PHTF2: variants seen among roughly 807,000 people sequenced by gnomAD.
PHTF2 encodes protein PHTF2.
Under a neutral mutation model 101.2 loss-of-function variants are expected in PHTF2, and 60 were observed. The observed-to-expected ratio is 0.59, with a 90% CI of 0.48 to 0.73. PHTF2 has a LOEUF of 0.73. Among genes scored for constraint, PHTF2 ranks in the 30% least tolerant of loss-of-function variants. PHTF2 has a pLI of 0.00. For synonymous variants in PHTF2, 311 were observed against 307.3 expected (o/e 1.01, Z -0.13); for missense variants, 747 against 908.7 (o/e 0.82, Z 2.29).
chr7:77,922,597 A>G (rs761337574), intron 10 of PHTF2, 26 bp from the exon 10 acceptor site: 1 of 1,575,532 alleles, frequency 6.3e-7, no homozygotes. Flanking sequence ...ATTACCTATA[A>G]TCCTCTTTGT....
chr7:77,952,856 C>G (rs1356590857), intron 18 of PHTF2, among the ~76,000 whole-genome samples: 1 of 152,196 alleles, frequency 6.6e-6, no homozygotes, highest in Non-Finnish European at 1.5e-5. Flanking sequence ...CCAAGAAATT[C>G]TCAAGTCCGC....
chr7:77,937,812 G>A, exon 13 of PHTF2: 1 of 1,538,240 alleles, frequency 6.5e-7, no homozygotes, highest in Non-Finnish European at 8.8e-7. Flanking sequence ...GTCTGTACTT[G>A]AAATCAGTGG....
intron 7 of PHTF2, among the ~76,000 whole-genome samples, chr7:77,904,721 T>C (rs538138044): frequency 7.9e-5 from 12 of 152,366 alleles, no homozygotes; most frequent in African/African-American, 2.4e-4. Flanking sequence ...CTTACGAATC[T>C]GTTTAACCTT....
chr7:77,914,550 C>T (rs918456083), intron 9 of PHTF2, among the ~76,000 whole-genome samples: 2 of 152,062 alleles, frequency 1.3e-5, no homozygotes, highest in Non-Finnish European at 2.9e-5. Context: ...AAAGATATTC[C>T]TAGGAAAAGC....
chr7:77,821,331 G>T (rs765207359), intron 1 of PHTF2, among the ~76,000 whole-genome samples: 1 of 152,114 alleles, frequency 6.6e-6, no homozygotes, highest in Non-Finnish European at 1.5e-5. Context: ...TTTGGGTTGC[G>T]TCTATTTGAG....
rs765745540 is a variant in PHTF2 at position 77,940,590 on chromosome 7, G to A, written c.1803G>A (p.Glu601=). The change falls in exon 15 of 20, where the codon GAG becomes GAA. Residue 601 remains glutamate (E), a synonymous_variant. Transcript: ENST00000416283. Reference sequence around the variant, plus strand: ...CTGCAAGGAGGGCTCGAAAATCTGAGGTTCCTCATTTCCGGTTGAAGAAAG... The same window carrying A: ...CTGCAAGGAGGGCTCGAAAATCTGAAGTTCCTCATTTCCGGTTGAAGAAAG... The A allele has an allele frequency of 4.4e-6, 7 of 1,606,700 alleles. 1 individual carries two copies. In the South Asian group the frequency reaches 7.7e-5, roughly 18 times the overall value.
intron 1 of PHTF2, among the ~76,000 whole-genome samples, chr7:77,826,948 C>G (rs1794734985): frequency 6.6e-6 from 1 of 152,120 alleles, no homozygotes; most frequent in East Asian, 1.9e-4. Context: ...TATGGCAAAG[C>G]CATCTTAAAA....
At chr7:77,893,954 CT>C (rs1335564089) in intron 4 of PHTF2, 27 bp from the exon 4 acceptor site, 4 of 1,574,820 alleles carry the variant, frequency 2.5e-6, no homozygotes, top group Non-Finnish European at 2.6e-6. Flanking sequence ...CTTTTTCTCC[CT>C]TTTGATGCTG....
intron 12 of PHTF2, among the ~76,000 whole-genome samples, chr7:77,932,617 A>AGT (rs1263484171): frequency 3.8e-4 from 47 of 124,874 alleles, no homozygotes; most frequent in Non-Finnish European, 5.7e-4. Flanking sequence ...AGAGAGAGAG[A>AGT]GAGAGTGTGT....
chr7:77,871,630 T>A (rs1253370376), intron 3 of PHTF2, among the ~76,000 whole-genome samples: 3 of 152,020 alleles, frequency 2.0e-5, no homozygotes, highest in African/African-American at 7.2e-5. Flanking sequence ...CAGTACCATA[T>A]ATTGGATGCT....
intron 3 of PHTF2, among the ~76,000 whole-genome samples, chr7:77,861,956 C>T (rs893322388): frequency 1.3e-5 from 2 of 151,670 alleles, no homozygotes; most frequent in Non-Finnish European, 2.9e-5. Flanking sequence ...ATTCAGGAGG[C>T]TGAGGCAGGA....
At chr7:77,898,139 A>G (rs848449) in intron 5 of PHTF2, among the ~76,000 whole-genome samples, 63,396 of 151,912 alleles carry the variant, frequency 0.42, 15,582 homozygotes, top group East Asian at 0.68. Context: ...ATGAACCCCA[A>G]ATAAACAAGG....
In PHTF2 at chr7:77,951,604, CT is replaced by C; in HGVS notation, c.2116-8del. 1 of 1,108,432 alleles carries C rather than the reference CT, an allele frequency of 9.0e-7. No individual in the cohort carries two copies. Among genetic ancestry groups the C allele is most frequent in the Non-Finnish European group, 1.3e-6 (1 of 771,226 alleles). 68.7% of individuals were successfully genotyped at this position (1,108,432 alleles called of 1,614,324 possible). A position where few individuals can be genotyped will look rare whatever the true frequency, so the allele number is the denominator to read the frequency against. ...TATTATAATTTGAAGCATTTCTATT[CT>C]TTTTATAAAAGATAAACCTCTACTT... On this transcript the variant is annotated splice_polypyrimidine_tract_variant and intron_variant, in intron 17 of 19. Coordinates refer to ENST00000416283, the Ensembl canonical transcript of PHTF2.
chr7:77,803,688 CGTGT>C (rs34239792), intron 1 of PHTF2, among the ~76,000 whole-genome samples: 12,798 of 140,820 alleles, frequency 0.091, 728 homozygotes, highest in South Asian at 0.18. Context: ...GTTGAACAGG[CGTGT>C]GTGTGTGTGT....
Position 77,936,725 on chromosome 7 carries a change from C to T in PHTF2, c.1339-985C>T, listed in dbSNP as rs760641025. ...AGTCCTTAAAAATACACTAGAAATA[C>T]TGCAATATAAACAAGCAAACTGATC... On this transcript the variant is annotated intron_variant, in intron 12 of 19. Coordinates refer to ENST00000416283, the Ensembl canonical transcript of PHTF2. Among the ~76,000 whole-genome samples, 34 of 151,050 alleles carry T rather than the reference C, an allele frequency of 2.3e-4. 1 individual carries two copies. Among genetic ancestry groups the T allele is most frequent in the Non-Finnish European group, 8.8e-5 (6 of 67,844 alleles).
At chr7:77,848,780 C>T (rs1349708325) in intron 2 of PHTF2, among the ~76,000 whole-genome samples, 1 of 152,150 alleles carries the variant, frequency 6.6e-6, no homozygotes, top group Non-Finnish European at 1.5e-5. Context: ...AACCTTTGCC[C>T]AGTCCATTAT....
intron 1 of PHTF2, among the ~76,000 whole-genome samples, chr7:77,821,707 CG>C (rs529089870): frequency 7.9e-5 from 12 of 151,898 alleles, no homozygotes; most frequent in African/African-American, 2.4e-4. Context: ...ATCTGTCTAC[CG>C]GGGGGGCCCA....
chr7:77,806,951 T>C (rs1793041108), intron 1 of PHTF2, among the ~76,000 whole-genome samples: 1 of 152,232 alleles, frequency 6.6e-6, no homozygotes, highest in Admixed American at 6.5e-5. Context: ...TTGTGCTGTA[T>C]ATTATAAATC....
At chr7:77,929,435 T>C (rs188356430) in intron 12 of PHTF2, 108 bp downstream of exon 11, 119 of 620,394 alleles carry the variant, frequency 1.9e-4, no homozygotes, top group African/African-American at 1.9e-3. Context: ...CTTATATTTC[T>C]ATAATTTTTT....
Sources: allele counts gnomAD v4.1 joint callset (sites outside exome capture counted in the v4.1 genomes callset), GRCh38; gene constraint gnomAD v4.1.1; transcripts MANE v1.5; gene names NCBI Gene and HGNC (gene_info 2026-07-23, HGNC 2026-07-21).